RANBP10: variants seen among roughly 807,000 people sequenced by gnomAD.
RANBP10 encodes the protein ran-binding protein 10.
RANBP10 carries 24 observed loss-of-function variants against 72.8 expected under a neutral mutation model. The ratio of observed to expected loss-of-function variants is 0.33; its 90% CI spans 0.24 to 0.46. RANBP10 has a LOEUF of 0.46. RANBP10 is among the 20% of genes least tolerant of loss of function. The pLI is 1.00. For synonymous variants in RANBP10, 310 were observed against 322.3 expected (o/e 0.96, Z 0.41); for missense variants, 679 against 817.5 (o/e 0.83, Z 2.07).
chr16:67,767,305 T>C (rs1597880160), intron 3 of RANBP10, among the ~76,000 whole-genome samples: 1 of 152,016 alleles, frequency 6.6e-6, no homozygotes, highest in Middle Eastern at 3.4e-3. Context: ...AAAACAGTTT[T>C]TACTAGGCAG....
Position 67,729,476 on chromosome 16 carries a change from T to C in RANBP10, c.1156A>G (p.Ser386Gly). 2.5e-6 allele frequency: 4 copies of C among 1,611,756 alleles called. No individual in the cohort carries two copies. Among genetic ancestry groups the C allele is most frequent in the Non-Finnish European group, 3.4e-6 (4 of 1,179,126 alleles). ...GCGACGCCATTGCTACAGCTGGGAC[T>C]GTCTGCTCCTAGAAGCCAGGGTGAC... is the stretch of plus-strand genomic sequence containing the variant. ...SSHMHNTGAD[S>G]PSCSNGVAST... Residue 386 changes from serine to glycine, a missense_variant, in exon 10 of 14, where the codon AGT (serine) becomes GGT (glycine). By Grantham distance (56) the Ser-to-Gly change is moderately conservative. Transcript: ENST00000317506. This position sits in a 1 kb window ranked among gnomAD's most constrained non-coding sequence, Gnocchi z 7.1.
chr16:67,784,830 A>C (rs1042101002), intron 2 of RANBP10, among the ~76,000 whole-genome samples: 1 of 151,834 alleles, frequency 6.6e-6, no homozygotes, highest in Non-Finnish European at 1.5e-5. Flanking sequence ...AAAAAAAAAA[A>C]GAAAAAGAAA....
intron 2 of RANBP10, among the ~76,000 whole-genome samples, chr16:67,785,919 G>A (rs950624065): frequency 1.5e-4 from 22 of 150,526 alleles, no homozygotes; most frequent in African/African-American, 4.7e-4. Flanking sequence ...CCAGCTACTC[G>A]GGAGGCTGAG....
intron 7 of RANBP10, 117 bp downstream of exon 7, chr16:67,731,355 G>T (rs1352841457): frequency 1.3e-6 from 1 of 789,922 alleles, no homozygotes; most frequent in Admixed American, 2.2e-5. Flanking sequence ...GCTGCAAGCT[G>T]GTCATGAGGA....
At chr16:67,799,383 G>A (rs539108181) in intron 2 of RANBP10, among the ~76,000 whole-genome samples, 1 of 151,122 alleles carries the variant, frequency 6.6e-6, no homozygotes, top group South Asian at 2.1e-4. Context: ...GGCCTCCCGG[G>A]TTCACGCCAT....
intron 2 of RANBP10, among the ~76,000 whole-genome samples, chr16:67,796,531 TA>T (rs2055138171): frequency 6.6e-6 from 1 of 152,146 alleles, no homozygotes; most frequent in Non-Finnish European, 1.5e-5. Flanking sequence ...CTCTGACCAG[TA>T]AATTATAGCT....
intron 2 of RANBP10, among the ~76,000 whole-genome samples, chr16:67,796,363 G>A (rs552182263): frequency 4.6e-5 from 7 of 152,214 alleles, no homozygotes; most frequent in African/African-American, 1.7e-4. Flanking sequence ...GTTCTACTCA[G>A]CAATCCAACC....
intron 4 of RANBP10, among the ~76,000 whole-genome samples, chr16:67,742,250 G>T (rs1406544108): frequency 2.6e-5 from 4 of 152,094 alleles, no homozygotes; most frequent in African/African-American, 9.7e-5. Context: ...TCCAGGACAA[G>T]CTCAACTATA....
At chr16:67,769,555 C>T (rs1212011378) in intron 3 of RANBP10, among the ~76,000 whole-genome samples, 1 of 149,044 alleles carries the variant, frequency 6.7e-6, no homozygotes, top group Non-Finnish European at 1.5e-5. Context: ...ACCAGCCTGG[C>T]TAACATGGTG....
intron 2 of RANBP10, among the ~76,000 whole-genome samples, chr16:67,798,918 C>T (rs1308111911): frequency 1.3e-5 from 2 of 152,054 alleles, no homozygotes; most frequent in African/African-American, 2.4e-5. Context: ...CCACAGCATA[C>T]AAGGTATTTT....
At chr16:67,745,171 T>A (rs2054047249) in intron 3 of RANBP10, among the ~76,000 whole-genome samples, 1 of 149,866 alleles carries the variant, frequency 6.7e-6, no homozygotes, top group Non-Finnish European at 1.5e-5. Context: ...AGAGAGGGGG[T>A]TTCACCGTGT....
At chr16:67,760,614 G>A (rs967311013) in intron 3 of RANBP10, among the ~76,000 whole-genome samples, 4 of 152,228 alleles carry the variant, frequency 2.6e-5, no homozygotes, top group African/African-American at 9.6e-5. Context: ...ACATGTTTCA[G>A]GAGGTATGTC....
chr16:67,770,076 C>CAA (rs1274071299), intron 3 of RANBP10, among the ~76,000 whole-genome samples: 1 of 151,564 alleles, frequency 6.6e-6, no homozygotes. Context: ...AAAAACAAAA[C>CAA]AAAAAAAAGC....
At position 67,729,802 on chromosome 16, in the gene RANBP10, T is replaced by G; in HGVS notation, c.1025A>C (p.Asn342Thr). 6.2e-7 allele frequency: 1 copy of G among 1,614,040 alleles called. No homozygotes were observed. Among genetic ancestry groups the G allele is most frequent in the Non-Finnish European group, 8.5e-7 (1 of 1,179,986 alleles). Residue 342 changes from asparagine (N) to threonine (T), a missense_variant, in exon 9 of 14, where the codon AAT becomes ACT. By Grantham distance (65) the Asn-to-Thr change is moderately conservative. Transcript: ENST00000317506. The surrounding 1 kb of genome is among the most constrained non-coding windows in gnomAD (Gnocchi z 7.1). ...ACTTCGGACCTCACTGTCCGTCCCA[T>G]TCACCATCTCCACAAACTGCCGGCA... Reference protein sequence around the residue: ...LKCRQFVEMVNGTDSEVRSLS... With the variant: ...LKCRQFVEMVTGTDSEVRSLS...
intron 2 of RANBP10, among the ~76,000 whole-genome samples, chr16:67,791,835 G>A (rs1407421312): frequency 6.6e-6 from 1 of 152,088 alleles, no homozygotes; most frequent in Non-Finnish European, 1.5e-5. Flanking sequence ...TGAAATGAGG[G>A]CTAATATTCA....
intron 2 of RANBP10, among the ~76,000 whole-genome samples, chr16:67,789,445 T>G (rs1192921978): frequency 6.6e-6 from 1 of 151,608 alleles, no homozygotes; most frequent in Non-Finnish European, 1.5e-5. Context: ...GCCACTGCAC[T>G]CCAGTCTGGG....
intron 5 of RANBP10, among the ~76,000 whole-genome samples, chr16:67,737,530 A>G (rs749832870): frequency 6.6e-6 from 1 of 151,998 alleles, no homozygotes; most frequent in Non-Finnish European, 1.5e-5. Context: ...CTAAGAAGAG[A>G]AGACCCCACA....
rs1459187121 is a variant in RANBP10, at chr16:67,726,294, G to T, written c.*134C>A. On this transcript the variant is annotated 3_prime_UTR_variant, in exon 14 of 14. Coordinates refer to ENST00000317506, the MANE Select transcript of RANBP10 (RefSeq NM_020850.3). ...AAGGAAGGAAGGAAGGAAAGGGAGAGGGGGAAAGGCCAGGCAGGAGGAGTG... is the reference window on the plus strand; with the variant it reads ...AAGGAAGGAAGGAAGGAAAGGGAGATGGGGAAAGGCCAGGCAGGAGGAGTG... 6.7e-6 allele frequency: 9 copies of T among 1,336,724 alleles called. No individual in the cohort carries two copies. In the East Asian group the frequency reaches 2.0e-4, roughly 30 times the overall value. 82.8% of individuals were successfully genotyped at this position (1,336,724 alleles called of 1,614,324 possible).
chr16:67,767,909 T>C (rs1299261059), intron 3 of RANBP10, among the ~76,000 whole-genome samples: 1 of 151,534 alleles, frequency 6.6e-6, no homozygotes, highest in Non-Finnish European at 1.5e-5. Flanking sequence ...ACAAGAAAAT[T>C]TTAAAAATTA....
Sources: gnomAD v4.1 joint callset for allele counts (sites outside exome capture counted in the v4.1 genomes callset) on GRCh38, gnomAD v4.1.1 for gene constraint, Gnocchi (gnomAD v3.1) non-coding constraint, MANE v1.5 for transcripts, NCBI Gene and HGNC (gene_info 2026-07-23, HGNC 2026-07-21) for gene names.